CCDC148: variants seen among roughly 807,000 people sequenced by gnomAD.
CCDC148 encodes the protein coiled-coil domain-containing protein 148.
Under a neutral mutation model 85.7 loss-of-function variants are expected in CCDC148, and 89 were observed. That is an observed-to-expected ratio of 1.04 (90% confidence interval 0.87 to 1.24). The LOEUF (loss-of-function observed/expected upper bound fraction) is 1.24, where lower values mean the gene tolerates loss of function less well. Ranked by LOEUF, CCDC148 falls within the 50% of genes most tolerant of loss-of-function variation. The pLI is 0.00. For missense variants in CCDC148, 692 were observed against 671.7 expected (o/e 1.03, Z -0.33); for synonymous variants, 230 against 213.9 (o/e 1.08, Z -0.66).
intron 1 of CCDC148, among the ~76,000 whole-genome samples, chr2:158,445,578 G>A (rs1688125289): frequency 6.6e-6 from 1 of 152,120 alleles, no homozygotes; most frequent in Non-Finnish European, 1.5e-5. Flanking sequence ...AATTGGGGTA[G>A]ACAGAAGAGA....
At chr2:158,422,813 A>G (rs1328479460) in intron 1 of CCDC148, among the ~76,000 whole-genome samples, 1 of 151,510 alleles carries the variant, frequency 6.6e-6, no homozygotes, top group African/African-American at 2.4e-5. Flanking sequence ...TGCAGATGAC[A>G]TGCCTGTATA....
At chr2:158,226,843 A>G (rs1262055096) in intron 10 of CCDC148, among the ~76,000 whole-genome samples, 3 of 152,142 alleles carry the variant, frequency 2.0e-5, no homozygotes, top group Non-Finnish European at 2.9e-5. Flanking sequence ...ACCCACAGTC[A>G]ATATCATACT....
At chr2:158,193,422 C>T (rs1685510428) in intron 11 of CCDC148, among the ~76,000 whole-genome samples, 1 of 151,970 alleles carries the variant, frequency 6.6e-6, no homozygotes, top group African/African-American at 2.4e-5. Context: ...TATGGAAGTC[C>T]TAGGAGGGTA....
At chr2:158,379,080 A>G (rs1684770161) in intron 1 of CCDC148, among the ~76,000 whole-genome samples, 1 of 152,140 alleles carries the variant, frequency 6.6e-6, no homozygotes, top group South Asian at 2.1e-4. Flanking sequence ...TAAATTAAAA[A>G]CCTGCTGAAA....
At chr2:158,366,248 T>G (rs2105275202) in intron 1 of CCDC148, among the ~76,000 whole-genome samples, 1 of 152,256 alleles carries the variant, frequency 6.6e-6, no homozygotes, top group African/African-American at 2.4e-5. Context: ...CTGTTAGTGT[T>G]TTTTCTGTGC....
chr2:158,184,036 AG>A (rs995961267), intron 11 of CCDC148, among the ~76,000 whole-genome samples: 1 of 152,170 alleles, frequency 6.6e-6, no homozygotes, highest in African/African-American at 2.4e-5. Context: ...GAAATTGCAC[AG>A]GAAGACATTC....
intron 9 of CCDC148, among the ~76,000 whole-genome samples, chr2:158,306,324 C>A (rs1418994054): frequency 6.6e-6 from 1 of 151,984 alleles, no homozygotes; most frequent in African/African-American, 2.4e-5. Flanking sequence ...AGATCAAGAC[C>A]ATCCTGATTA....
At chr2:158,313,322 C>A (rs1369933342) in intron 8 of CCDC148, among the ~76,000 whole-genome samples, 2 of 152,166 alleles carry the variant, frequency 1.3e-5, no homozygotes, top group African/African-American at 4.8e-5. Context: ...AGTACCACCC[C>A]CAGGGCAAGT....
At chr2:158,306,685 G>T (rs1174498967) in intron 9 of CCDC148, among the ~76,000 whole-genome samples, 4 of 152,020 alleles carry the variant, frequency 2.6e-5, no homozygotes, top group African/African-American at 9.7e-5. Flanking sequence ...TTGCAGGGTG[G>T]GGGAAGGGGG....
At chr2:158,197,211 C>T (rs902022095) in intron 11 of CCDC148, among the ~76,000 whole-genome samples, 2 of 152,112 alleles carry the variant, frequency 1.3e-5, no homozygotes, top group African/African-American at 4.8e-5. Flanking sequence ...ATCGAAAGAA[C>T]TGTAGAAGAA....
At position 158,184,444 on chromosome 2, in the gene CCDC148, G is replaced by A. The variant is rs767322660; in HGVS notation, c.1371-5448C>T. Among the ~76,000 whole-genome samples, 90 of 152,112 alleles carry A rather than the reference G, an allele frequency of 5.9e-4. 1 individual carries two copies. The highest frequency in any genetic ancestry group is 8.8e-5 in the Non-Finnish European group (6 of 68,006). On this transcript the variant is annotated intron_variant, in intron 11 of 13. Transcript: ENST00000283233. ...AATAGTGGGGGGAAATAAAACAGAG[G>A]AAAGAAGTCCCTACTCTGTTGAGTT...
chr2:158,433,675 C>T (rs1368276501), intron 1 of CCDC148, among the ~76,000 whole-genome samples: 2 of 152,150 alleles, frequency 1.3e-5, no homozygotes, highest in East Asian at 1.9e-4. Flanking sequence ...CATGGTGGTG[C>T]ATCGCCTCAC....
At chr2:158,278,262 C>A (rs148797022) in intron 9 of CCDC148, among the ~76,000 whole-genome samples, 11,646 of 152,112 alleles carry the variant, frequency 0.077, 649 homozygotes, top group Middle Eastern at 0.13. Flanking sequence ...TAGGGAGTGC[C>A]AGACAGTGGG....
chr2:158,433,907 C>G (rs1046328344), intron 1 of CCDC148, among the ~76,000 whole-genome samples: 3 of 152,206 alleles, frequency 2.0e-5, no homozygotes, highest in Non-Finnish European at 2.9e-5. Context: ...AACCGCAAGG[C>G]GGCAGCGAGG....
chr2:158,437,157 T>G (rs1416737454), intron 1 of CCDC148, among the ~76,000 whole-genome samples: 1 of 152,196 alleles, frequency 6.6e-6, no homozygotes, highest in Admixed American at 6.5e-5. Flanking sequence ...TACCAAAGCC[T>G]GGCAGAGACA....
chr2:158,437,975 G>A (rs1357002673), intron 1 of CCDC148, among the ~76,000 whole-genome samples: 11 of 152,070 alleles, frequency 7.2e-5, no homozygotes, highest in Non-Finnish European at 1.2e-4. Flanking sequence ...AAATAAAAGA[G>A]GATACAAACA....
intron 1 of CCDC148, among the ~76,000 whole-genome samples, chr2:158,454,091 A>G (rs191387236): frequency 2.3e-4 from 35 of 152,356 alleles, no homozygotes; most frequent in African/African-American, 8.4e-4. Flanking sequence ...TTTGTAGGAG[A>G]GAACTTAATT....
intron 2 of CCDC148, among the ~76,000 whole-genome samples, chr2:158,357,338 G>A (rs1317347921): frequency 6.6e-6 from 1 of 151,800 alleles, no homozygotes; most frequent in Non-Finnish European, 1.5e-5. Flanking sequence ...TATCTTCAAG[G>A]CAAATAGTAG....
chr2:158,379,673 C>T (rs1317734640), intron 1 of CCDC148, among the ~76,000 whole-genome samples: 1 of 152,132 alleles, frequency 6.6e-6, no homozygotes, highest in Non-Finnish European at 1.5e-5. Context: ...AAGCAGCCAT[C>T]AACATTGAGG....
Sources: allele counts gnomAD v4.1 joint callset (sites outside exome capture counted in the v4.1 genomes callset), GRCh38; gene constraint gnomAD v4.1.1; transcripts MANE v1.5; gene names NCBI Gene and HGNC (gene_info 2026-07-23, HGNC 2026-07-21).